PUM1: variants seen among roughly 807,000 people sequenced by gnomAD.
PUM1 encodes the protein pumilio RNA binding family member 1.
Under a neutral mutation model 131.8 loss-of-function variants are expected in PUM1, and 13 were observed. The ratio of observed to expected loss-of-function variants is 0.10; its 90% CI spans 0.06 to 0.16. The LOEUF (loss-of-function observed/expected upper bound fraction) is 0.16. PUM1 is among the 10% of genes least tolerant of loss of function. The pLI is 1.00. For synonymous variants in PUM1, 509 were observed against 556.5 expected (o/e 0.91, Z 1.20); for missense variants, 961 against 1,512.4 (o/e 0.64, Z 6.05).
intron 2 of PUM1, among the ~76,000 whole-genome samples, chr1:31,058,567 C>A (rs1644298577): frequency 6.6e-6 from 1 of 151,280 alleles, no homozygotes; most frequent in Admixed American, 6.6e-5. Flanking sequence ...GAGGCTGAGG[C>A]AGGAGAATGG....
intron 2 of PUM1, among the ~76,000 whole-genome samples, chr1:31,046,185 G>A (rs986760964): frequency 3.3e-5 from 5 of 151,938 alleles, no homozygotes; most frequent in African/African-American, 7.2e-5. Flanking sequence ...TCGGGAGGTC[G>A]AAACCAGCCT....
intron 14 of PUM1, among the ~76,000 whole-genome samples, 160 bp from the exon 15 acceptor site, chr1:30,954,141 G>T (rs1171398512): frequency 6.6e-6 from 1 of 152,080 alleles, no homozygotes; most frequent in Non-Finnish European, 1.5e-5. Flanking sequence ...GACTTTCGTG[G>T]GTCAACTCAA....
intron 13 of PUM1, 124 bp from the exon 14 acceptor site, chr1:30,965,034 CCTAA>C (rs1415287149): frequency 3.3e-5 from 24 of 720,130 alleles, no homozygotes; most frequent in East Asian, 5.3e-5. Context: ...GCAGAGACAG[CCTAA>C]CTGTTAATGT....
intron 2 of PUM1, among the ~76,000 whole-genome samples, chr1:31,046,037 G>A (rs1402402219): frequency 1.3e-5 from 2 of 151,876 alleles, no homozygotes; most frequent in African/African-American, 2.4e-5. Flanking sequence ...AGCCGAGATC[G>A]TGCCACTACA....
chr1:31,038,984 A>ATATATATATATATATATATTTTTTT, intron 2 of PUM1, among the ~76,000 whole-genome samples: 4 of 49,412 alleles, frequency 8.1e-5, no homozygotes, highest in African/African-American at 2.1e-4. Flanking sequence ...ATATATATAT[A>ATATATATATATATATATATTTTTTT]TTTTTTTTTT....
Position 30,981,387 on chromosome 1 carries a change from C to T in PUM1, c.1177G>A (p.Ala393Thr). 2 of 1,602,386 alleles carry T rather than the reference C, an allele frequency of 1.2e-6. No individual in the cohort carries two copies. The highest frequency in any genetic ancestry group is 8.5e-7 in the Non-Finnish European group (1 of 1,172,984). ...GCTGTCAACTGCTGGACAGCAAGCG[C>T]ATTAGGTCTTTGGAACAGCTGAGGC... Reference protein sequence around the residue: ...SQQQLFQRPNALAVQQLTAAQ... With the variant: ...SQQQLFQRPNTLAVQQLTAAQ... Residue 393 changes from alanine to threonine, a missense_variant, in exon 8 of 22, where the codon GCG (alanine) becomes ACG (threonine). This residue lies in a region of PUM1 where 654 missense variants were observed against 923.9 expected (regional missense o/e 0.71). Coordinates refer to ENST00000426105, the MANE Select transcript of PUM1 (RefSeq NM_001020658.2).
chr1:30,942,097 A>G lies in PUM1; in HGVS notation c.3021T>C (p.Tyr1007=), dbSNP rs1314223947. Residue 1007 remains tyrosine (Y), a synonymous_variant, in exon 19 of 22, where the codon TAT becomes TAC. Transcript: ENST00000426105. The part of the protein sequence containing the change: ...GQVFALSTHP[Y]GCRVIQRILE... ...GGATTCTCTGAATCACTCGGCAGCC[A>G]TAAGGATGTGTGGATAAGGCAAATA... 3.2e-6 allele frequency: 5 copies of G among 1,579,350 alleles called. No homozygotes were observed. The highest frequency in any genetic ancestry group is 3.4e-5 in the Admixed American group (2 of 58,882).
At chr1:30,969,243 G>A (rs1422558831) in intron 10 of PUM1, among the ~76,000 whole-genome samples, 9 of 148,698 alleles carry the variant, frequency 6.1e-5, no homozygotes, top group Non-Finnish European at 1.2e-4. Context: ...GGCGGAGGTT[G>A]CAGTGAGCTG....
rs980544472 is a variant in PUM1 at position 30,967,161 on chromosome 1, G to A, written c.1789+6C>T. On this transcript the variant is annotated splice_donor_region_variant and intron_variant, in intron 12 of 21. Coordinates refer to ENST00000426105, the MANE Select transcript of PUM1 (RefSeq NM_001020658.2). Reference sequence around the variant, plus strand: ...CTGGCAGGAGTCCACTCAGATGTGCGCTCACCTGCTTGTGCAGCTGAGGAA... The same window carrying A: ...CTGGCAGGAGTCCACTCAGATGTGCACTCACCTGCTTGTGCAGCTGAGGAA... The A allele has an allele frequency of 9.3e-6, 15 of 1,613,394 alleles. No homozygotes were observed. The highest frequency in any genetic ancestry group is 2.7e-5 in the African/African-American group (2 of 74,892).
intron 7 of PUM1, among the ~76,000 whole-genome samples, chr1:30,990,366 T>C (rs1013402062): frequency 5.3e-5 from 8 of 151,986 alleles, no homozygotes; most frequent in African/African-American, 1.7e-4. Flanking sequence ...CAAAATGCTA[T>C]GGAGTTCTAG....
chr1:30,960,581 A>G (rs1019927666), intron 14 of PUM1, among the ~76,000 whole-genome samples: 12 of 152,312 alleles, frequency 7.9e-5, no homozygotes, highest in African/African-American at 2.9e-4. Context: ...ACAAAAACCA[A>G]TTGTATTTCC....
In PUM1 at chr1:30,936,792, G is replaced by A. The variant is rs1639226110; in HGVS notation, c.3286C>T (p.Arg1096Cys). 1.9e-6 allele frequency: 3 copies of A among 1,613,628 alleles called. No individual in the cohort carries two copies. Among genetic ancestry groups the A allele is most frequent in the South Asian group, 1.1e-5 (1 of 91,050 alleles). The change falls in exon 21 of 22, where the codon CGC becomes TGC. Residue 1096 changes from arginine to cysteine, a missense_variant. Arg to Cys is a radical substitution (Grantham distance 180). Coordinates refer to ENST00000426105, the MANE Select transcript of PUM1 (RefSeq NM_001020658.2). Reference protein sequence around the residue: ...KCVTHASRTERAVLIDEVCTM... With the variant: ...KCVTHASRTECAVLIDEVCTM... ...CACACCTCATCGATGAGCACAGCGC[G>A]CTCCGTACGTGAGGCGTGAGTAACA...
intron 2 of PUM1, among the ~76,000 whole-genome samples, chr1:31,040,971 G>A (rs1045963934): frequency 1.3e-5 from 2 of 152,016 alleles, no homozygotes; most frequent in South Asian, 2.1e-4. Context: ...AGAAGAAAAC[G>A]GGAGATGCAG....
In PUM1 at chr1:30,991,542, A is replaced by G. The variant is rs115078730; in HGVS notation, c.1158+848T>C. Among the ~76,000 whole-genome samples, 1,121 of 152,326 alleles carry G rather than the reference A, an allele frequency of 7.4e-3. 5 individuals carry two copies. The highest frequency in any genetic ancestry group is 0.031 in the Middle Eastern group (9 of 294). On this transcript the variant is annotated intron_variant, in intron 7 of 21. Coordinates refer to ENST00000426105, the MANE Select transcript of PUM1 (RefSeq NM_001020658.2). ...CTACATAGAATTTCTAAACTTCAAA[A>G]TGAGATGCTAACCTTTCAAACCTAG... is the stretch of plus-strand genomic sequence containing the variant.
chr1:30,933,467 CA>C (rs1557539628), intron 21 of PUM1, 125 bp from the exon 22 acceptor site: 4 of 838,612 alleles, frequency 4.8e-6, no homozygotes, highest in African/African-American at 1.7e-5. Context: ...CACACACACA[CA>C]CACACACACA....
intron 3 of PUM1, among the ~76,000 whole-genome samples, chr1:31,014,409 C>T (rs924963993): frequency 1.3e-5 from 2 of 151,358 alleles, no homozygotes; most frequent in Non-Finnish European, 2.9e-5. Flanking sequence ...CTTTAGGAGG[C>T]TGAGGTGGGA....
chr1:31,035,517 C>T (rs1414871554), intron 2 of PUM1, among the ~76,000 whole-genome samples: 3 of 152,016 alleles, frequency 2.0e-5, no homozygotes, highest in East Asian at 1.9e-4. Context: ...TTTCGGAGGC[C>T]GAGGCGGGCG....
intron 18 of PUM1, among the ~76,000 whole-genome samples, chr1:30,943,868 C>A (rs977475012): frequency 2.6e-5 from 4 of 152,124 alleles, no homozygotes; most frequent in Non-Finnish European, 5.9e-5. Flanking sequence ...CCTAATGGAA[C>A]TGAGTATTTT....
At chr1:31,052,768 A>C (rs1644142992) in intron 2 of PUM1, among the ~76,000 whole-genome samples, 1 of 146,132 alleles carries the variant, frequency 6.8e-6, no homozygotes, top group African/African-American at 2.6e-5. Flanking sequence ...GTGCGATCTC[A>C]GCTCACTGCA....
Sources: allele counts gnomAD v4.1 joint callset (sites outside exome capture counted in the v4.1 genomes callset), GRCh38; gene constraint gnomAD v4.1.1; regional missense constraint gnomAD v4.1.1; transcripts MANE v1.5; gene names NCBI Gene and HGNC (gene_info 2026-07-23, HGNC 2026-07-21).